Variants in GPHN observed in about 807,000 individuals in gnomAD.
GPHN encodes the protein gephyrin.
A neutral mutation model predicts 95.5 loss-of-function variants in GPHN; 17 were observed. The ratio of observed to expected loss-of-function variants is 0.18; its 90% CI spans 0.12 to 0.27. GPHN has a LOEUF of 0.27. Ranked by LOEUF, GPHN falls within the 10% of genes least tolerant of loss-of-function variation. The pLI, the probability that GPHN is intolerant of heterozygous loss-of-function variation, is 1.00. For missense variants in GPHN, 660 were observed against 978.1 expected (o/e 0.67, Z 4.34); for synonymous variants, 320 against 322.5 (o/e 0.99, Z 0.08).
the GPHN span, among the ~76,000 whole-genome samples, chr14:67,707,923 A>G: frequency 2.6e-5 from 4 of 152,200 alleles, no homozygotes; most frequent in African/African-American, 4.8e-5. Flanking sequence ...CCAAGGGGCT[A>G]TCTTGGTTCC....
the GPHN span, among the ~76,000 whole-genome samples, chr14:67,483,978 G>A: frequency 2.6e-5 from 4 of 152,168 alleles, no homozygotes; most frequent in African/African-American, 4.8e-5. Flanking sequence ...CTCAGAAAGC[G>A]AAGGATGCCC....
the GPHN span, among the ~76,000 whole-genome samples, chr14:67,221,527 T>C: frequency 6.6e-6 from 1 of 152,328 alleles, no homozygotes; most frequent in Non-Finnish European, 1.5e-5. Flanking sequence ...ATAATAAGAA[T>C]AGATTACATA....
intron 5 of GPHN, among the ~76,000 whole-genome samples, chr14:66,882,682 C>G (rs1370743128): frequency 2.0e-5 from 3 of 151,558 alleles, no homozygotes; most frequent in Non-Finnish European, 3.0e-5. Context: ...CGTAGTAACT[C>G]TTAAGTGATG....
chr14:66,797,710 T>C (rs1377535865), intron 3 of GPHN, among the ~76,000 whole-genome samples: 3 of 152,000 alleles, frequency 2.0e-5, no homozygotes, highest in African/African-American at 7.2e-5. Flanking sequence ...TTATCAGTTC[T>C]AATAGTTTTC....
intron 1 of GPHN, among the ~76,000 whole-genome samples, chr14:66,637,780 A>G (rs2064178074): frequency 6.6e-6 from 1 of 152,122 alleles, no homozygotes; most frequent in African/African-American, 2.4e-5. Flanking sequence ...CAGTGGGGAA[A>G]CTGGTAAGTA....
the GPHN span, among the ~76,000 whole-genome samples, chr14:67,269,288 T>C: frequency 6.6e-6 from 1 of 152,208 alleles, no homozygotes; most frequent in Non-Finnish European, 1.5e-5. Flanking sequence ...TTTTTCTACT[T>C]TTTTTGCTAT....
chr14:66,944,868 G>C (rs1416014082), intron 8 of GPHN, among the ~76,000 whole-genome samples: 1 of 152,240 alleles, frequency 6.6e-6, no homozygotes, highest in African/African-American at 2.4e-5. Context: ...AGGCACCCTT[G>C]GGCCATGCAT....
At chr14:67,033,889 T>C (rs1430354077) in intron 10 of GPHN, among the ~76,000 whole-genome samples, 1 of 152,152 alleles carries the variant, frequency 6.6e-6, no homozygotes, top group Non-Finnish European at 1.5e-5. Context: ...TGGATAAACC[T>C]TACAGGTCAG....
At chr14:66,736,850 C>T (rs2072337138) in intron 2 of GPHN, among the ~76,000 whole-genome samples, 1 of 152,142 alleles carries the variant, frequency 6.6e-6, no homozygotes, top group Admixed American at 6.5e-5. Context: ...AACCATTCTC[C>T]ACATCTCTTA....
the GPHN span, among the ~76,000 whole-genome samples, chr14:67,560,564 C>T: frequency 3.3e-5 from 5 of 152,164 alleles, no homozygotes; most frequent in African/African-American, 1.2e-4. Flanking sequence ...CTCTATTCCA[C>T]CTTCCCTCTC....
At chr14:67,724,700 C>T in the GPHN span, 1 of 883,306 alleles carries the variant, frequency 1.1e-6, no homozygotes, top group Non-Finnish European at 1.9e-6. Flanking sequence ...GGGGCTCTGA[C>T]TAGAAATTCA....
At chr14:67,614,301 G>A in the GPHN span, among the ~76,000 whole-genome samples, 1 of 152,150 alleles carries the variant, frequency 6.6e-6, no homozygotes, top group Non-Finnish European at 1.5e-5. Flanking sequence ...GATGGATGAG[G>A]AAAGGTATCA....
chr14:67,301,922 A>C, the GPHN span: 2 of 1,550,996 alleles, frequency 1.3e-6, no homozygotes, highest in Non-Finnish European at 1.7e-6. Flanking sequence ...ATCACTCTGC[A>C]GAAATAAATC....
chr14:66,645,542 G>A (rs1017103231), intron 1 of GPHN, among the ~76,000 whole-genome samples: 6 of 151,642 alleles, frequency 4.0e-5, no homozygotes, highest in Admixed American at 2.0e-4. Context: ...AATACAAAAA[G>A]TTAGCCAGCC....
the GPHN span, among the ~76,000 whole-genome samples, chr14:67,716,881 CA>C: frequency 0.21 from 17,669 of 85,152 alleles, 928 homozygotes; most frequent in Admixed American, 0.25. Flanking sequence ...GAGTCTCTGT[CA>C]AAAAAAAAAA....
At chr14:66,969,955 T>G (rs1229756977) in intron 9 of GPHN, 1 of 152,064 alleles carries the variant, frequency 6.6e-6, no homozygotes, top group South Asian at 2.1e-4. Context: ...AACACTAATT[T>G]TATTATCGTT....
At chr14:67,457,651 A>G in the GPHN span, among the ~76,000 whole-genome samples, 1 of 152,208 alleles carries the variant, frequency 6.6e-6, no homozygotes, top group Non-Finnish European at 1.5e-5. Context: ...GAAGCCACAG[A>G]CTTTGGAAAG....
the GPHN span, chr14:67,576,628 G>A: frequency 7.2e-6 from 4 of 555,254 alleles, no homozygotes; most frequent in Admixed American, 6.6e-5. The surrounding 1 kb of genome is among the most constrained non-coding windows in gnomAD (Gnocchi z 4.0). Context: ...GCCACAGAGG[G>A]GAAGTTCCCA....
chr14:66,903,546 G>A (rs1461048031), intron 5 of GPHN, among the ~76,000 whole-genome samples: 2 of 152,138 alleles, frequency 1.3e-5, no homozygotes, highest in Non-Finnish European at 2.9e-5. Context: ...TAGAGACGAA[G>A]TGGATTTCCT....
Sources: allele counts gnomAD v4.1 joint callset (sites outside exome capture counted in the v4.1 genomes callset), GRCh38; gene constraint gnomAD v4.1.1; non-coding constraint Gnocchi (gnomAD v3.1); transcripts MANE v1.5; gene names NCBI Gene and HGNC (gene_info 2026-07-23, HGNC 2026-07-21).